Variants in ACTR3C observed in about 807,000 individuals in gnomAD.
ACTR3C encodes actin-related protein 3C.
A neutral mutation model predicts 26.3 loss-of-function variants in ACTR3C; 18 were observed. The ratio of observed to expected loss-of-function variants is 0.68; its 90% confidence interval spans 0.47 to 1.01. The LOEUF (loss-of-function observed/expected upper bound fraction) is 1.01, where lower values mean the gene tolerates loss of function less well. ACTR3C is among the 50% of genes least tolerant of loss of function. The probability of loss-of-function intolerance (pLI) is 0.00; values close to 1 mark genes in which losing one functional copy is unlikely to be tolerated. For synonymous variants in ACTR3C, 55 were observed against 94.5 expected (o/e 0.58, Z 2.42); for missense variants, 184 against 250.7 (o/e 0.73, Z 1.80).
the ACTR3C span, among the ~76,000 whole-genome samples, chr7:149,914,816 A>G: frequency 6.6e-6 from 1 of 152,126 alleles, no homozygotes; most frequent in South Asian, 2.1e-4. Context: ...ATTAGATATT[A>G]CAAATCAAAA....
chr7:150,144,973 T>C, the ACTR3C span, among the ~76,000 whole-genome samples: 1 of 150,848 alleles, frequency 6.6e-6, no homozygotes, highest in Non-Finnish European at 1.5e-5. This position sits in a 1 kb window ranked among gnomAD's most constrained non-coding sequence, Gnocchi z 4.6. Context: ...TTGCGTGAAG[T>C]TGGGAGGTGG....
chr7:150,033,204 T>C, the ACTR3C span, among the ~76,000 whole-genome samples: 2 of 152,110 alleles, frequency 1.3e-5, no homozygotes, highest in Non-Finnish European at 2.9e-5. Context: ...AACAACTCGG[T>C]GGGTTTTCCC....
the ACTR3C span, among the ~76,000 whole-genome samples, chr7:149,918,040 G>C: frequency 1.9e-4 from 29 of 151,982 alleles, no homozygotes. Context: ...ATGTTCCTTG[G>C]CTTGCTGCAT....
chr7:150,322,221 T>A (rs761074769), intron 1 of ACTR3C, among the ~76,000 whole-genome samples: 1 of 152,086 alleles, frequency 6.6e-6, no homozygotes, highest in Non-Finnish European at 1.5e-5. Flanking sequence ...GTGTCAGAGG[T>A]GTTTAAGCCA....
the ACTR3C span, among the ~76,000 whole-genome samples, chr7:150,097,998 C>T: frequency 1.3e-5 from 2 of 151,504 alleles, no homozygotes; most frequent in African/African-American, 2.4e-5. Flanking sequence ...CCTCAGCATC[C>T]TCAGGATCCT....
chr7:150,196,351 T>C, the ACTR3C span, among the ~76,000 whole-genome samples: 2 of 152,222 alleles, frequency 1.3e-5, no homozygotes, highest in African/African-American at 4.8e-5. Flanking sequence ...TAATCCATCT[T>C]TATATTTATT....
the ACTR3C span, among the ~76,000 whole-genome samples, chr7:150,039,365 CT>C: frequency 2.0e-5 from 2 of 100,416 alleles, no homozygotes; most frequent in African/African-American, 2.9e-5. Context: ...TTGCCTCCCC[CT>C]CCTGCGATGG....
chr7:150,255,396 G>A (rs1412579445), intron 6 of ACTR3C, among the ~76,000 whole-genome samples: 2 of 152,010 alleles, frequency 1.3e-5, no homozygotes, highest in East Asian at 3.9e-4. Context: ...AACGCTAGTA[G>A]GCTCCCATAT....
the ACTR3C span, among the ~76,000 whole-genome samples, chr7:150,051,817 CAATG>C: frequency 6.6e-6 from 1 of 151,672 alleles, no homozygotes; most frequent in East Asian, 1.9e-4. Context: ...TTTAAAATGA[CAATG>C]AAGGCAAATT....
At chr7:150,199,087 C>A in the ACTR3C span, among the ~76,000 whole-genome samples, 1 of 150,776 alleles carries the variant, frequency 6.6e-6, no homozygotes, top group Admixed American at 6.6e-5. Context: ...GCCCGGCCGC[C>A]CCCCCGTCTG....
the ACTR3C span, among the ~76,000 whole-genome samples, chr7:150,119,276 A>G: frequency 6.6e-6 from 1 of 152,238 alleles, no homozygotes; most frequent in African/African-American, 2.4e-5. Context: ...TGCCCCAATT[A>G]AAAGATACAA....
At chr7:150,183,450 G>A in the ACTR3C span, among the ~76,000 whole-genome samples, 1 of 149,826 alleles carries the variant, frequency 6.7e-6, no homozygotes, top group African/African-American at 2.5e-5. Flanking sequence ...CACTTCTCTT[G>A]GTGCTTATGT....
At chr7:150,089,077 T>G in the ACTR3C span, among the ~76,000 whole-genome samples, 1 of 152,200 alleles carries the variant, frequency 6.6e-6, no homozygotes, top group Non-Finnish European at 1.5e-5. Flanking sequence ...CTCTCTTGTC[T>G]TGGATGTTAT....
chr7:150,323,261 C>T (rs1178671030), intron 1 of ACTR3C: 2 of 247,946 alleles, frequency 8.1e-6, no homozygotes, highest in South Asian at 3.6e-5. Context: ...GCGAAGACCC[C>T]CGCAGGCTGC....
intron 3 of ACTR3C, among the ~76,000 whole-genome samples, chr7:150,292,661 C>G (rs1050890241): frequency 6.6e-6 from 1 of 152,170 alleles, no homozygotes; most frequent in South Asian, 2.1e-4. Flanking sequence ...CCACACCTGG[C>G]TAATTTTGTA....
the ACTR3C span, among the ~76,000 whole-genome samples, chr7:150,042,172 C>CACT: frequency 4.2e-5 from 1 of 24,062 alleles, no homozygotes. Flanking sequence ...TCAGTCCCTG[C>CACT]CTCGCGGGGG....
the ACTR3C span, among the ~76,000 whole-genome samples, chr7:150,054,834 T>C: frequency 3.3e-5 from 5 of 152,264 alleles, no homozygotes; most frequent in African/African-American, 9.6e-5. Flanking sequence ...CATTGTGCTA[T>C]GTTCTAAGGA....
chr7:150,105,032 C>T, the ACTR3C span, among the ~76,000 whole-genome samples: 2 of 151,576 alleles, frequency 1.3e-5, no homozygotes, highest in Admixed American at 6.6e-5. Context: ...TTATTGAGCA[C>T]ATCATCAAGT....
chr7:150,154,232 A>G, the ACTR3C span, among the ~76,000 whole-genome samples: 1 of 152,194 alleles, frequency 6.6e-6, no homozygotes. Flanking sequence ...ATAATAATAA[A>G]AAAAATTTCC....
Sources: gnomAD v4.1 joint callset for allele counts (sites outside exome capture counted in the v4.1 genomes callset) on GRCh38, gnomAD v4.1.1 for gene constraint, Gnocchi (gnomAD v3.1) non-coding constraint, MANE v1.5 for transcripts, NCBI Gene and HGNC (gene_info 2026-07-23, HGNC 2026-07-21) for gene names.